MORC1: variants seen among roughly 807,000 people sequenced by gnomAD.
MORC1 encodes MORC family CW-type zinc finger 1.
Under a neutral mutation model 134.9 loss-of-function variants are expected in MORC1, and 59 were observed. The ratio of observed to expected loss-of-function variants is 0.44; its 90% CI spans 0.35 to 0.54. The LOEUF is 0.54. MORC1 is among the 20% of genes least tolerant of loss of function. The pLI is 0.00. For synonymous variants in MORC1, 395 were observed against 391.7 expected (o/e 1.01, Z -0.10); for missense variants, 947 against 1,134.5 (o/e 0.83, Z 2.37).
At chr3:108,959,784 T>C (rs1947031978) in intron 27 of MORC1, among the ~76,000 whole-genome samples, 1 of 152,216 alleles carries the variant, frequency 6.6e-6, no homozygotes, top group African/African-American at 2.4e-5. Context: ...TAAGTTGTTA[T>C]GACATATTTG....
chr3:109,056,021 A>G (rs1455675288), intron 13 of MORC1, among the ~76,000 whole-genome samples: 1 of 152,170 alleles, frequency 6.6e-6, no homozygotes, highest in Non-Finnish European at 1.5e-5. Flanking sequence ...AGAAGATTCA[A>G]GGCCAAGGAA....
intron 12 of MORC1, 24 bp from the exon 13 acceptor site, chr3:109,057,510 A>T (rs1949988219): frequency 6.4e-7 from 1 of 1,552,432 alleles, no homozygotes. Context: ...TAAAAAGTTT[A>T]AAAAGTTGTT....
chr3:109,053,418 C>T (rs1949876553), intron 14 of MORC1, among the ~76,000 whole-genome samples: 1 of 152,068 alleles, frequency 6.6e-6, no homozygotes, highest in South Asian at 2.1e-4. Context: ...ATGTGGCACA[C>T]ATATGCCATG....
In MORC1 at chr3:109,100,449, C is replaced by G. The variant is rs1950904700; in HGVS notation, c.282G>C (p.Lys94Asn). 6.2e-7 allele frequency: 1 copy of G among 1,613,668 alleles called. No homozygotes were observed. The highest frequency in any genetic ancestry group is 8.5e-7 in the Non-Finnish European group (1 of 1,179,642). ...GACCATTGCCGTATTGCCCTATGAACTTCAAGGTTGACAGCCGTTTTTTGG... is the reference window on the plus strand; with the variant it reads ...GACCATTGCCGTATTGCCCTATGAAGTTCAAGGTTGACAGCCGTTTTTTGG... ...GRSKKRLSTL[K>N]FIGQYGNGLK... The change falls in exon 5 of 28, where the codon AAG becomes AAC. Residue 94 changes from lysine to asparagine, a missense_variant. By Grantham distance (94) the Lys-to-Asn change is moderately conservative. Transcript: ENST00000232603.
intron 14 of MORC1, among the ~76,000 whole-genome samples, chr3:109,049,786 G>A (rs1173146741): frequency 6.6e-6 from 1 of 152,144 alleles, no homozygotes; most frequent in Admixed American, 6.6e-5. Flanking sequence ...GTACCAATAA[G>A]ATTCCAACAA....
intron 3 of MORC1, among the ~76,000 whole-genome samples, chr3:109,107,560 C>T (rs527701903): frequency 2.6e-5 from 4 of 151,982 alleles, no homozygotes; most frequent in Middle Eastern, 3.4e-3. Flanking sequence ...TAAAACACCA[C>T]GGGAAACATA....
chr3:109,082,155 A>T lies in MORC1; in HGVS notation c.689+11281T>A, dbSNP rs141139378. Among the ~76,000 whole-genome samples the T allele has an allele frequency of 5.1e-3, 776 of 152,002 alleles. 18 individuals carry two copies. The highest frequency in any genetic ancestry group is 0.018 in the African/African-American group (745 of 41,474). On this transcript the variant is annotated intron_variant, in intron 8 of 27. Coordinates refer to ENST00000232603, the MANE Select transcript of MORC1 (RefSeq NM_014429.4). ...CCTTAGGACTTTCCCTATTTAGGAC[A>T]GGGCAGTGCTCTGATGATTTACTAG... is the stretch of plus-strand genomic sequence containing the variant.
At chr3:109,087,690 A>G (rs886482412) in intron 8 of MORC1, among the ~76,000 whole-genome samples, 23 of 152,112 alleles carry the variant, frequency 1.5e-4, no homozygotes, top group African/African-American at 5.6e-4. Context: ...CTGTCAAACT[A>G]CCAATGACAT....
intron 20 of MORC1, 110 bp from the exon 21 acceptor site, chr3:109,000,768 G>C (rs1328646250): frequency 1.4e-6 from 1 of 735,474 alleles, no homozygotes; most frequent in African/African-American, 1.8e-5. Flanking sequence ...ACTTTTGTAG[G>C]ATATATAGCG....
intron 21 of MORC1, among the ~76,000 whole-genome samples, chr3:108,997,769 T>A (rs1043371030): frequency 2.6e-5 from 4 of 152,112 alleles, no homozygotes; most frequent in Admixed American, 2.0e-4. Context: ...TTTTTTTTCA[T>A]TTCACTAGAA....
intron 8 of MORC1, 29 bp from the exon 9 acceptor site, chr3:109,069,786 T>C: frequency 1.9e-6 from 3 of 1,587,226 alleles, no homozygotes; most frequent in Middle Eastern, 1.7e-4. Flanking sequence ...AATGTCACAA[T>C]ACAGAGGACA....
intron 26 of MORC1, among the ~76,000 whole-genome samples, chr3:108,968,835 G>A (rs1947289793): frequency 1.3e-5 from 2 of 152,148 alleles, no homozygotes; most frequent in South Asian, 4.1e-4. Flanking sequence ...ATTGATCCTG[G>A]TGTCAAAGTT....
At chr3:108,987,185 G>T (rs1462944126) in intron 21 of MORC1, among the ~76,000 whole-genome samples, 1 of 152,104 alleles carries the variant, frequency 6.6e-6, no homozygotes, top group African/African-American at 2.4e-5. Context: ...TTTCTTTAAA[G>T]GGATTTTTGT....
At chr3:109,078,080 G>T (rs1950456712) in intron 8 of MORC1, among the ~76,000 whole-genome samples, 2 of 151,938 alleles carry the variant, frequency 1.3e-5, no homozygotes, top group Non-Finnish European at 2.9e-5. Flanking sequence ...CAGACAAATA[G>T]ATAACAAAAA....
At chr3:109,015,089 T>C (rs1377336245) in intron 17 of MORC1, among the ~76,000 whole-genome samples, 1 of 152,086 alleles carries the variant, frequency 6.6e-6, no homozygotes. Flanking sequence ...GGTTTCACCA[T>C]GTTAGCCAGG....
chr3:109,091,126 T>C (rs1210647807), intron 8 of MORC1, among the ~76,000 whole-genome samples: 1 of 152,082 alleles, frequency 6.6e-6, no homozygotes, highest in East Asian at 1.9e-4. Flanking sequence ...GTAAACTATG[T>C]ACCATTTTTT....
At chr3:109,047,086 AGATGCATT>A (rs1949712233) in intron 14 of MORC1, among the ~76,000 whole-genome samples, 1 of 152,196 alleles carries the variant, frequency 6.6e-6, no homozygotes, top group Admixed American at 6.5e-5. Context: ...ATTACTTCAA[AGATGCATT>A]GTGAGCTGCT....
chr3:109,029,757 T>C (rs1433715154), intron 16 of MORC1, among the ~76,000 whole-genome samples: 1 of 152,204 alleles, frequency 6.6e-6, no homozygotes, highest in African/African-American at 2.4e-5. Flanking sequence ...AATACTACCA[T>C]TTGTAAGATG....
intron 12 of MORC1, among the ~76,000 whole-genome samples, chr3:109,059,019 T>G (rs1950022580): frequency 6.6e-6 from 1 of 152,144 alleles, no homozygotes; most frequent in African/African-American, 2.4e-5. Flanking sequence ...TCTATGACAT[T>G]TATTTACATT....
Sources: allele counts gnomAD v4.1 joint callset (sites outside exome capture counted in the v4.1 genomes callset), GRCh38; gene constraint gnomAD v4.1.1; transcripts MANE v1.5; gene names NCBI Gene and HGNC (gene_info 2026-07-23, HGNC 2026-07-21).